TMEM184B: variants seen among roughly 807,000 people sequenced by gnomAD.
The protein encoded by TMEM184B is putative MAPK-activating protein FM08.
A neutral mutation model predicts 41.8 loss-of-function variants in TMEM184B; 17 were observed. The observed-to-expected ratio is 0.41, with a 90% CI of 0.28 to 0.61. The LOEUF (loss-of-function observed/expected upper bound fraction) is 0.61, where lower values mean the gene tolerates loss of function less well. TMEM184B is among the 20% of genes least tolerant of loss of function. The probability of loss-of-function intolerance (pLI) is 0.34; values close to 1 mark genes in which losing one functional copy is unlikely to be tolerated. For missense variants in TMEM184B, 393 were observed against 557.8 expected, an observed-to-expected ratio of 0.70 and a Z score of 2.98; for synonymous variants, 240 against 229.5, an observed-to-expected ratio of 1.05 and a Z score of -0.41.
intron 1 of TMEM184B, among the ~76,000 whole-genome samples, chr22:38,263,031 C>T (rs1256642521): frequency 6.6e-6 from 1 of 152,100 alleles, no homozygotes; most frequent in Non-Finnish European, 1.5e-5. Context: ...GCCTCTAGAG[C>T]AGCTGGGATT....
intron 3 of TMEM184B, among the ~76,000 whole-genome samples, chr22:38,238,543 C>G (rs2091836017): frequency 6.6e-6 from 1 of 152,184 alleles, no homozygotes; most frequent in Non-Finnish European, 1.5e-5. Context: ...GTCTTATAAT[C>G]CTTGGCTCTA....
In TMEM184B at chr22:38,271,283, T is replaced by C. The variant is rs537894793; in HGVS notation, c.-59+1601A>G. 2.6e-5 allele frequency among the ~76,000 whole-genome samples: 4 copies of C among 152,268 alleles called. No individual in the cohort carries two copies. The South Asian group carries it at 8.3e-4, about 32-fold the overall frequency. On this transcript the variant is annotated intron_variant, in intron 1 of 8. Transcript: ENST00000361906. ...ATGCCCCAGCATAGTGCCTGGCACA[T>C]AGTAGATGCTCAGTAAGTTGCAAGA...
At chr22:38,236,732 C>T (rs1207611331) in intron 3 of TMEM184B, among the ~76,000 whole-genome samples, 1 of 152,122 alleles carries the variant, frequency 6.6e-6, no homozygotes, top group East Asian at 1.9e-4. Flanking sequence ...TCAAGTGATC[C>T]GCTGGTCTCA....
In TMEM184B at chr22:38,222,654, A is replaced by C. The variant is rs2091292844; in HGVS notation, c.983-944T>G. 4 of 985,440 alleles carry C rather than the reference A, an allele frequency of 4.1e-6. No homozygotes were observed. The African/African-American group carries it at 7.0e-5, about 17-fold the overall frequency. The allele number at this position is 985,440 out of a possible 1,614,324, so 61.0% of individuals were successfully genotyped here. A position where few individuals can be genotyped will look rare whatever the true frequency, so the allele number is the denominator to read the frequency against. On this transcript the variant is annotated intron_variant, in intron 8 of 8. Coordinates refer to ENST00000361906, the MANE Select transcript of TMEM184B (RefSeq NM_012264.5). ...GAGCGGGACCTACCGTAAGGGCCGT[A>C]TGTTGGCACTGCCCGCGGCCAAACC...
intron 1 of TMEM184B, among the ~76,000 whole-genome samples, chr22:38,256,032 C>G (rs940718399): frequency 5.3e-5 from 8 of 152,148 alleles, no homozygotes; most frequent in African/African-American, 1.9e-4. Context: ...ATGCAGAAAA[C>G]TGAATAAGGT....
intron 1 of TMEM184B, among the ~76,000 whole-genome samples, chr22:38,266,599 T>C (rs2092447267): frequency 6.6e-6 from 1 of 152,228 alleles, no homozygotes; most frequent in African/African-American, 2.4e-5. Flanking sequence ...CTGATTCTTT[T>C]CTATCTATAG....
chr22:38,269,250 T>C (rs2092486710), intron 1 of TMEM184B, among the ~76,000 whole-genome samples: 1 of 152,220 alleles, frequency 6.6e-6, no homozygotes, highest in Non-Finnish European at 1.5e-5. Context: ...CGGAGTCTTG[T>C]TCTATCACCC....
intron 1 of TMEM184B, among the ~76,000 whole-genome samples, chr22:38,252,241 T>C (rs35216280): frequency 6.6e-6 from 1 of 152,082 alleles, no homozygotes; most frequent in South Asian, 2.1e-4. Context: ...TGTATTTTTT[T>C]GGAGAGATGG....
intron 3 of TMEM184B, among the ~76,000 whole-genome samples, chr22:38,241,137 C>G (rs949932676): frequency 3.3e-5 from 5 of 152,130 alleles, no homozygotes; most frequent in Admixed American, 6.5e-5. Context: ...CAGCGGGAGC[C>G]TGGAAAGCAG....
At chr22:38,242,437 C>T (rs976264616) in intron 3 of TMEM184B, among the ~76,000 whole-genome samples, 4 of 152,038 alleles carry the variant, frequency 2.6e-5, no homozygotes, top group African/African-American at 9.7e-5. Context: ...AAGATTGCAC[C>T]ATTGCACTCC....
At position 38,247,919 on chromosome 22, in the gene TMEM184B, G is replaced by A. The variant is rs762546610; in HGVS notation, c.43C>T (p.Pro15Ser). 1.9e-6 allele frequency: 3 copies of A among 1,601,554 alleles called. No homozygotes were observed. The highest frequency in any genetic ancestry group is 2.7e-5 in the African/African-American group (2 of 74,984). Residue 15 changes from proline (P) to serine (S), a missense_variant, in exon 2 of 9, where the codon CCC becomes TCC. Around this residue, in one of 2 missense-constraint regions of TMEM184B, gnomAD observed 122 missense variants for 123.7 expected, o/e 0.99. Transcript: ENST00000361906. ...CTGGGCGAGGCTGCTGCGGTCGTGGGCGACGCTGGATCCGGGGCCAGCACA... is the reference window on the plus strand; with the variant it reads ...CTGGGCGAGGCTGCTGCGGTCGTGGACGACGCTGGATCCGGGGCCAGCACA... Reference protein sequence around the residue: ...GDVLAPDPASPTTAAASPSVS... With the variant: ...GDVLAPDPASSTTAAASPSVS...
chr22:38,243,923 G>A lies in TMEM184B; in HGVS notation c.358+2012C>T, dbSNP rs548944935. Among the ~76,000 whole-genome samples the A allele has an allele frequency of 2.6e-3, 392 of 152,288 alleles. 2 individuals are homozygous for A. Among genetic ancestry groups the A allele is most frequent in the African/African-American group, 9.0e-3 (374 of 41,558 alleles). ...AGCAAGGGAGCTGCAGACTGTGGTG[G>A]GGCCGAGGACCTGGATGGGTGCTGG... On this transcript the variant is annotated intron_variant, in intron 3 of 8. Transcript: ENST00000361906.
In TMEM184B at chr22:38,239,965, T is replaced by C. The variant is rs368768858; in HGVS notation, c.358+5970A>G. ...CAATTTTTTTTTTTTCTGGGGCGGG[T>C]AGAGATGAGGTCGAGGTCTCGCTCA... On this transcript the variant is annotated intron_variant, in intron 3 of 8. Coordinates refer to ENST00000361906, the MANE Select transcript of TMEM184B (RefSeq NM_012264.5). This position sits in a 1 kb window ranked among gnomAD's most constrained non-coding sequence, Gnocchi z 4.6. Among the ~76,000 whole-genome samples, 4 of 150,078 alleles carry C rather than the reference T, an allele frequency of 2.7e-5. No homozygotes were observed. The highest frequency in any genetic ancestry group is 9.8e-5 in the African/African-American group (4 of 40,670).
At position 38,226,758 on chromosome 22, in the gene TMEM184B, C is replaced by T. The variant is rs1322267017; in HGVS notation, c.617+21G>A. On this transcript the variant is annotated intron_variant, in intron 6 of 8. Transcript: ENST00000361906. The surrounding 1 kb of genome is among the most constrained non-coding windows in gnomAD (Gnocchi z 4.6). ...GCGCCAACACTCCTCCCACACACCC[C>T]GGGGAGCACCCGCTGCTTACTCAAA... 6.3e-6 allele frequency: 10 copies of T among 1,576,476 alleles called. No homozygotes were observed. The highest frequency in any genetic ancestry group is 2.3e-5 in the East Asian group (1 of 43,108).
chr22:38,245,915 C>A lies in TMEM184B; in HGVS notation c.358+20G>T. 1.3e-6 allele frequency: 2 copies of A among 1,594,142 alleles called. No homozygotes were observed. The highest frequency in any genetic ancestry group is 1.3e-5 in the African/African-American group (1 of 74,658). On this transcript the variant is annotated intron_variant, in intron 3 of 8. Coordinates refer to ENST00000361906, the MANE Select transcript of TMEM184B (RefSeq NM_012264.5). ...CCCCCAGCCCCCCGCCAGCCCTCCC[C>A]ACTCCGTCCCCATCCTCACCCTCAT... is the stretch of plus-strand genomic sequence containing the variant.
intron 1 of TMEM184B, among the ~76,000 whole-genome samples, chr22:38,269,560 G>A (rs1221056639): frequency 6.6e-6 from 1 of 152,230 alleles, no homozygotes; most frequent in Non-Finnish European, 1.5e-5. Flanking sequence ...GACCAGGCAT[G>A]GTGGTTCACA....
In TMEM184B at chr22:38,246,029, C is replaced by T. The variant is rs2092021368; in HGVS notation, c.264G>A (p.Val88=). The T allele has an allele frequency of 6.2e-7, 1 of 1,613,694 alleles. No homozygotes were observed. Among genetic ancestry groups the T allele is most frequent in the South Asian group, 1.1e-5 (1 of 91,086 alleles). Residue 88 remains valine, a synonymous_variant, in exon 3 of 9, where the codon GTG becomes GTA. Coordinates refer to ENST00000361906, the MANE Select transcript of TMEM184B (RefSeq NM_012264.5). ...GCCAGGAGTCAAAGGCGTAGATGGG[C>T]ACGATGAAGAGGATGCGCACGATGT... ...QRYIVRILFI[V]PIYAFDSWLS...
chr22:38,226,331 T>C lies in TMEM184B; in HGVS notation c.617+448A>G, dbSNP rs1014162009. The C allele has an allele frequency of 6.7e-5, 11 of 164,530 alleles. No homozygotes were observed. Among genetic ancestry groups the C allele is most frequent in the South Asian group, 1.7e-4 (1 of 6,036 alleles). The allele number at this position is 164,530 out of a possible 1,614,324, so 10.2% of individuals were successfully genotyped here. ...CCTGACCTCAGGTGATCTACCCGCG[T>C]TGGCCTCCCAAAGTGCTAGGATTAC... On this transcript the variant is annotated intron_variant, in intron 6 of 8. Transcript: ENST00000361906. The surrounding 1 kb of genome is among the most constrained non-coding windows in gnomAD (Gnocchi z 4.6).
chr22:38,231,133 T>A, intron 4 of TMEM184B, 111 bp downstream of exon 4: 1 of 956,660 alleles, frequency 1.0e-6, no homozygotes, highest in Non-Finnish European at 1.7e-6. Context: ...GCACAGCAGG[T>A]CAAGGTCACG....
Sources: allele counts gnomAD v4.1 joint callset (sites outside exome capture counted in the v4.1 genomes callset), GRCh38; gene constraint gnomAD v4.1.1; regional missense constraint gnomAD v4.1.1; non-coding constraint Gnocchi (gnomAD v3.1); transcripts MANE v1.5; gene names NCBI Gene and HGNC (gene_info 2026-07-23, HGNC 2026-07-21).